Variants in ARHGAP12 observed in about 807,000 individuals in gnomAD.
ARHGAP12 encodes Rho GTPase activating protein 12, also known as rho GTPase-activating protein 12.
In ARHGAP12, 64 loss-of-function variants were observed where a neutral mutation model predicts 108.6. That is an observed-to-expected ratio of 0.59 (90% CI 0.48 to 0.73). ARHGAP12 has a LOEUF of 0.73. ARHGAP12 is among the 30% of genes least tolerant of loss of function. The probability of loss-of-function intolerance (pLI) is 0.00; values close to 1 mark genes in which losing one functional copy is unlikely to be tolerated. For synonymous variants in ARHGAP12, 312 were observed against 337.2 expected (o/e 0.93, Z 0.82); for missense variants, 940 against 1,005.9 (o/e 0.93, Z 0.89).
At chr10:31,923,064 G>A (rs978556158) in intron 1 of ARHGAP12, among the ~76,000 whole-genome samples, 1 of 147,512 alleles carries the variant, frequency 6.8e-6, no homozygotes, top group Non-Finnish European at 1.5e-5. Flanking sequence ...CTGGGAGTTC[G>A]CGACTGCAGT....
chr10:31,923,594 C>T (rs907226627), intron 1 of ARHGAP12, among the ~76,000 whole-genome samples: 1 of 152,130 alleles, frequency 6.6e-6, no homozygotes, highest in Non-Finnish European at 1.5e-5. Context: ...TATCACTCAG[C>T]AATAAAAAGG....
In ARHGAP12 at chr10:31,810,717, A is replaced by G; in HGVS notation, c.1982T>C (p.Leu661Pro). ...TACTGTGCCATTCTCTCTCTGACAC[A>G]GATTAGCGAGATTGGATCCAAATAC... ...DQVFGSNLAN[L>P]CQRENGTVPK... Residue 661 changes from leucine to proline, a missense_variant, in exon 16 of 20, where the codon CTG (leucine) becomes CCG (proline). Coordinates refer to ENST00000344936, the MANE Select transcript of ARHGAP12 (RefSeq NM_018287.7). 1 of 1,609,106 alleles carries G rather than the reference A, an allele frequency of 6.2e-7. No individual in the cohort carries two copies. Among genetic ancestry groups the G allele is most frequent in the Non-Finnish European group, 8.5e-7 (1 of 1,177,890 alleles).
rs376445093 is a variant in ARHGAP12, at chr10:31,922,402, ATT to A, written c.-111+6279_-111+6280del. On this transcript the variant is annotated intron_variant, in intron 1 of 19. Transcript: ENST00000344936. ...TCAACAATCCACATGAAGTAGACAAATTTTTTTTTTTTTTTTAAGAGACAGGG... is the reference window on the plus strand; with the variant it reads ...TCAACAATCCACATGAAGTAGACAAATTTTTTTTTTTTTTAAGAGACAGGG... 3.0e-4 allele frequency among the ~76,000 whole-genome samples: 43 copies of A among 142,368 alleles called. 1 individual carries two copies. Among genetic ancestry groups the A allele is most frequent in the African/African-American group, 7.9e-4 (31 of 39,116 alleles). The allele number at this position is 142,368 out of a possible 152,430, so 93.4% of individuals were successfully genotyped here.
At chr10:31,825,604 G>A (rs1394860478) in intron 11 of ARHGAP12, among the ~76,000 whole-genome samples, 2 of 151,992 alleles carry the variant, frequency 1.3e-5, no homozygotes, top group Non-Finnish European at 1.5e-5. Flanking sequence ...CATCTATGAC[G>A]GGGGAAGGGC....
chr10:31,886,285 G>A (rs1038755822), intron 3 of ARHGAP12, among the ~76,000 whole-genome samples: 5 of 152,056 alleles, frequency 3.3e-5, no homozygotes, highest in African/African-American at 9.7e-5. Flanking sequence ...TTTTTTTAAT[G>A]ACTCTATCAG....
chr10:31,888,147 C>T (rs1838258625), intron 3 of ARHGAP12, among the ~76,000 whole-genome samples: 1 of 152,040 alleles, frequency 6.6e-6, no homozygotes, highest in South Asian at 2.1e-4. Context: ...ACCTAGAGAC[C>T]CACAGTCAGA....
intron 3 of ARHGAP12, among the ~76,000 whole-genome samples, chr10:31,895,044 A>C (rs961909326): frequency 3.3e-5 from 5 of 152,262 alleles, no homozygotes; most frequent in African/African-American, 1.2e-4. Context: ...CTGGTTTGCC[A>C]TATGTAGAAA....
intron 4 of ARHGAP12, among the ~76,000 whole-genome samples, chr10:31,860,566 A>C (rs1837075757): frequency 6.6e-6 from 1 of 152,220 alleles, no homozygotes; most frequent in Non-Finnish European, 1.5e-5. Context: ...AGAGAAAATA[A>C]TGATTTTAAA....
At chr10:31,905,775 A>G (rs1183661356) in intron 3 of ARHGAP12, among the ~76,000 whole-genome samples, 1 of 151,848 alleles carries the variant, frequency 6.6e-6, no homozygotes, top group African/African-American at 2.4e-5. Context: ...TGCACAGGAA[A>G]CACTTGCATT....
chr10:31,808,713 G>C lies in ARHGAP12; in HGVS notation c.2302C>G (p.Leu768Val), dbSNP rs773641302. 6.2e-7 allele frequency: 1 copy of C among 1,613,878 alleles called. No homozygotes were observed. Among genetic ancestry groups the C allele is most frequent in the East Asian group, 2.2e-5 (1 of 44,880 alleles). ...TTTGGCTTTGGCAACTGTCTGATTA[G>C]GTCCTTAACAGCAGCGACTCGCTGT... ...PRQRVAAVKD[L>V]IRQLPKPNQD... is the part of the protein sequence containing the mutation. Residue 768 changes from leucine (L) to valine (V), a missense_variant, in exon 19 of 20, where the codon CTA becomes GTA. By Grantham distance (32) the Leu-to-Val change is conservative. Coordinates refer to ENST00000344936, the MANE Select transcript of ARHGAP12 (RefSeq NM_018287.7).
chr10:31,862,574 T>C (rs1837155796), intron 3 of ARHGAP12, among the ~76,000 whole-genome samples: 1 of 152,152 alleles, frequency 6.6e-6, no homozygotes, highest in Non-Finnish European at 1.5e-5. Context: ...CAGCAAGATT[T>C]CTTAACCCTA....
At chr10:31,847,319 T>C (rs1229737403) in intron 6 of ARHGAP12, among the ~76,000 whole-genome samples, 1 of 152,190 alleles carries the variant, frequency 6.6e-6, no homozygotes, top group East Asian at 1.9e-4. Context: ...ACTATAAGAC[T>C]TTGGTTTCTA....
chr10:31,817,755 G>A, intron 13 of ARHGAP12, 33 bp downstream of exon 13: 1 of 1,396,798 alleles, frequency 7.2e-7, no homozygotes, highest in Non-Finnish European at 9.8e-7. Flanking sequence ...AAACAGCTCT[G>A]AAGTAAAAAT....
rs1834852856 is a variant in ARHGAP12, at chr10:31,807,378, A to T, written c.*280T>A. On this transcript the variant is annotated 3_prime_UTR_variant, in exon 20 of 20. Coordinates refer to ENST00000344936, the MANE Select transcript of ARHGAP12 (RefSeq NM_018287.7). ...TTATCCAGTGTATATGACTGGTTAG[A>T]ATTTTAAGTTTTGATTTTTACTGAA... is the stretch of plus-strand genomic sequence containing the variant. 3.4e-6 allele frequency: 1 copy of T among 294,784 alleles called. No homozygotes were observed. The highest frequency in any genetic ancestry group is 7.3e-5 in the South Asian group (1 of 13,666). 18.3% of individuals were successfully genotyped at this position (294,784 alleles called of 1,614,324 possible). A position where few individuals can be genotyped will look rare whatever the true frequency, so the allele number is the denominator to read the frequency against.
At chr10:31,826,995 A>G (rs1835638271) in intron 10 of ARHGAP12, 1 of 152,244 alleles carries the variant, frequency 6.6e-6, no homozygotes, top group Non-Finnish European at 1.5e-5. Flanking sequence ...AAAAATGTGT[A>G]AAGGAAAGGG....
chr10:31,876,094 C>T (rs1207535639), intron 3 of ARHGAP12, among the ~76,000 whole-genome samples: 2 of 152,232 alleles, frequency 1.3e-5, no homozygotes, highest in Admixed American at 6.5e-5. Flanking sequence ...AACAATTCTG[C>T]TATGAACATG....
intron 3 of ARHGAP12, among the ~76,000 whole-genome samples, chr10:31,899,889 T>G (rs1041784165): frequency 6.6e-6 from 1 of 152,156 alleles, no homozygotes; most frequent in African/African-American, 2.4e-5. Context: ...TTATTAAAAT[T>G]GAAAACTTTT....
At position 31,838,847 on chromosome 10, in the gene ARHGAP12, A is replaced by C. The variant is rs988969573; in HGVS notation, c.1386+458T>G. On this transcript the variant is annotated intron_variant, in intron 9 of 19. Transcript: ENST00000344936. ...CTCCATCTCAAAAAAAAAAAAAAAA[A>C]AAAATTTAGCAGAGCGTGCTGGTGC... is the stretch of plus-strand genomic sequence containing the variant. Among the ~76,000 whole-genome samples, 47 of 151,658 alleles carry C rather than the reference A, an allele frequency of 3.1e-4. 1 individual carries two copies. The highest frequency in any genetic ancestry group is 2.2e-4 in the Non-Finnish European group (15 of 67,882).
intron 10 of ARHGAP12, chr10:31,827,064 A>C (rs539545909): frequency 3.2e-4 from 49 of 152,336 alleles, no homozygotes; most frequent in African/African-American, 1.1e-3. Context: ...ACTTTGGTAT[A>C]ATATGGGGCT....
Sources: allele counts gnomAD v4.1 joint callset (sites outside exome capture counted in the v4.1 genomes callset), GRCh38; gene constraint gnomAD v4.1.1; transcripts MANE v1.5; gene names NCBI Gene and HGNC (gene_info 2026-07-23, HGNC 2026-07-21).